DTWD2: variants seen among roughly 807,000 people sequenced by gnomAD.
The protein encoded by DTWD2 is tRNA-uridine aminocarboxypropyltransferase 2.
A neutral mutation model predicts 31.8 loss-of-function variants in DTWD2; 39 were observed. That is an observed-to-expected ratio of 1.22 (90% CI 0.95 to 1.60). The LOEUF is 1.60. Ranked by LOEUF, DTWD2 falls within the 40% of genes most tolerant of loss-of-function variation. The pLI, the probability that DTWD2 is intolerant of heterozygous loss-of-function variation, is 0.00. For synonymous variants in DTWD2, 180 were observed against 142.8 expected (o/e 1.26, Z -1.86); for missense variants, 515 against 381.5 (o/e 1.35, Z -2.92).
At chr5:118,902,237 C>T (rs1290426689) in intron 4 of DTWD2, among the ~76,000 whole-genome samples, 1 of 151,144 alleles carries the variant, frequency 6.6e-6, no homozygotes, top group Non-Finnish European at 1.5e-5. Context: ...TGTTCAAAGC[C>T]AAAAAGAAAA....
chr5:118,846,699 G>A (rs1751860047), intron 5 of DTWD2, among the ~76,000 whole-genome samples: 1 of 152,050 alleles, frequency 6.6e-6, no homozygotes, highest in African/African-American at 2.4e-5. Flanking sequence ...ATACAGAGAT[G>A]ATGGTAAATA....
intron 4 of DTWD2, among the ~76,000 whole-genome samples, chr5:118,869,816 G>T (rs1172032209): frequency 6.6e-6 from 1 of 152,156 alleles, no homozygotes; most frequent in African/African-American, 2.4e-5. Flanking sequence ...CTGGATGTGT[G>T]TCTCTCCAAA....
At chr5:118,957,369 G>A (rs375389238) in intron 1 of DTWD2, among the ~76,000 whole-genome samples, 53 of 152,018 alleles carry the variant, frequency 3.5e-4, no homozygotes, top group East Asian at 1.9e-3. Context: ...TTACAGGGGC[G>A]CGCCACCATG....
intron 4 of DTWD2, among the ~76,000 whole-genome samples, chr5:118,914,274 G>A (rs774710562): frequency 6.6e-6 from 1 of 152,058 alleles, no homozygotes; most frequent in Non-Finnish European, 1.5e-5. Context: ...AAGGCTCTAG[G>A]AGTGCGTTCT....
At chr5:118,952,252 G>T (rs1299594228) in intron 1 of DTWD2, among the ~76,000 whole-genome samples, 1 of 152,208 alleles carries the variant, frequency 6.6e-6, no homozygotes, top group Non-Finnish European at 1.5e-5. Flanking sequence ...CCCCCAATCC[G>T]AGTCACGGCA....
At chr5:118,900,283 T>C (rs1322073063) in intron 4 of DTWD2, among the ~76,000 whole-genome samples, 5 of 152,228 alleles carry the variant, frequency 3.3e-5, no homozygotes, top group Admixed American at 2.0e-4. Flanking sequence ...TTAATACGAA[T>C]AGTGTTAATA....
chr5:118,911,231 G>A (rs1442224108), intron 4 of DTWD2, among the ~76,000 whole-genome samples: 7 of 152,176 alleles, frequency 4.6e-5, no homozygotes, highest in East Asian at 1.9e-4. Context: ...TGGAGCACCC[G>A]AAAAGAAGAA....
intron 4 of DTWD2, among the ~76,000 whole-genome samples, chr5:118,862,115 T>C (rs928528707): frequency 4.6e-5 from 7 of 152,228 alleles, no homozygotes; most frequent in African/African-American, 1.7e-4. Flanking sequence ...GCGCCAACCC[T>C]ATCATGAATT....
intron 2 of DTWD2, among the ~76,000 whole-genome samples, chr5:118,943,904 TGAAA>T (rs1019825133): frequency 1.3e-5 from 2 of 152,230 alleles, no homozygotes; most frequent in Admixed American, 6.5e-5. Flanking sequence ...TCCTAAATAC[TGAAA>T]GAGTTTTAAC....
At chr5:118,902,822 A>G (rs1271901438) in intron 4 of DTWD2, among the ~76,000 whole-genome samples, 1 of 152,100 alleles carries the variant, frequency 6.6e-6, no homozygotes, top group African/African-American at 2.4e-5. Context: ...GACTATATGC[A>G]AAGCTGCTAA....
At chr5:118,967,057 C>CAA (rs113213191) in intron 1 of DTWD2, among the ~76,000 whole-genome samples, 3 of 135,194 alleles carry the variant, frequency 2.2e-5, no homozygotes, top group Non-Finnish European at 4.8e-5. Context: ...ATCAGTAACT[C>CAA]AAAAAAAAAA....
chr5:118,940,076 T>C (rs976524827), intron 2 of DTWD2, among the ~76,000 whole-genome samples: 1 of 152,122 alleles, frequency 6.6e-6, no homozygotes, highest in Non-Finnish European at 1.5e-5. Context: ...CCAAAGAATA[T>C]AGAGTATGGA....
In DTWD2 at chr5:118,836,235, TTTTA is replaced by T. The variant is rs1189978103; in HGVS notation, c.*4678_*4681del. 6.6e-6 allele frequency among the ~76,000 whole-genome samples: 1 copy of T among 152,092 alleles called. No homozygotes were observed. Among genetic ancestry groups the T allele is most frequent in the Non-Finnish European group, 1.5e-5 (1 of 68,004 alleles). ...CGTTGTTAGTTCAAGTGAATCTTAT[TTTTA>T]TTTATTTATTTATTTATTTGAGACA... On this transcript the variant is annotated 3_prime_UTR_variant, in exon 6 of 6. Transcript: ENST00000510708.
intron 1 of DTWD2, among the ~76,000 whole-genome samples, chr5:118,958,063 A>G (rs1042164463): frequency 1.3e-5 from 2 of 152,190 alleles, no homozygotes; most frequent in African/African-American, 4.8e-5. Flanking sequence ...CAAAATAATT[A>G]TATCACTGGC....
In DTWD2 at chr5:118,944,605, G is replaced by C. The variant is rs772599283; in HGVS notation, c.263C>G (p.Pro88Arg). 21 of 1,613,492 alleles carry C rather than the reference G, an allele frequency of 1.3e-5. No homozygotes were observed. The highest frequency in any genetic ancestry group is 1.6e-5 in the Non-Finnish European group (19 of 1,179,768). The change falls in exon 2 of 6, where the codon CCT (proline) becomes CGT (arginine). Residue 88 changes from proline (P) to arginine (R), a missense_variant. Coordinates refer to ENST00000510708, the MANE Select transcript of DTWD2 (RefSeq NM_173666.4). Reference protein sequence around the residue: ...VCLCPFLPAHPLHISTHLYII... With the variant: ...VCLCPFLPAHRLHISTHLYII... Reference sequence around the variant, plus strand: ...GTACAAGTGGGTAGAGATATGCAGAGGGTGCGCTGGGAGAAATGGACACAA... The same window carrying C: ...GTACAAGTGGGTAGAGATATGCAGACGGTGCGCTGGGAGAAATGGACACAA...
intron 1 of DTWD2, among the ~76,000 whole-genome samples, chr5:118,965,746 G>A (rs995424744): frequency 6.6e-5 from 10 of 150,756 alleles, no homozygotes; most frequent in African/African-American, 2.0e-4. Flanking sequence ...CAGCATGCTC[G>A]TTAAGAGTCA....
chr5:118,911,895 T>C (rs1402307266), intron 4 of DTWD2, among the ~76,000 whole-genome samples: 1 of 152,218 alleles, frequency 6.6e-6, no homozygotes, highest in Non-Finnish European at 1.5e-5. Flanking sequence ...CAGGGGCATA[T>C]GTGTGGGTGT....
intron 4 of DTWD2, among the ~76,000 whole-genome samples, chr5:118,897,957 G>A (rs899842829): frequency 2.6e-5 from 4 of 152,046 alleles, no homozygotes; most frequent in African/African-American, 7.2e-5. Flanking sequence ...TTGACTTCCT[G>A]AGCTCAGGTG....
chr5:118,984,062 G>A (rs527510963), intron 1 of DTWD2, among the ~76,000 whole-genome samples: 146 of 152,302 alleles, frequency 9.6e-4, no homozygotes, highest in African/African-American at 3.4e-3. Flanking sequence ...CAAGGCAGGC[G>A]GATCACCTGA....
Sources: allele counts gnomAD v4.1 joint callset (sites outside exome capture counted in the v4.1 genomes callset), GRCh38; gene constraint gnomAD v4.1.1; transcripts MANE v1.5; gene names NCBI Gene and HGNC (gene_info 2026-07-23, HGNC 2026-07-21).